Variants in PIGN observed in about 807,000 individuals in gnomAD.
PIGN encodes the protein phosphatidylinositol glycan anchor biosynthesis class N.
In PIGN, 117 loss-of-function variants were observed where a neutral mutation model predicts 125.4. The observed-to-expected ratio is 0.93, with a 90% CI of 0.80 to 1.09. PIGN has a LOEUF of 1.09. Among genes scored for constraint, PIGN ranks in the 50% least tolerant of loss-of-function variants. The probability of loss-of-function intolerance (pLI) is 0.00; values close to 1 mark genes in which losing one functional copy is unlikely to be tolerated. For missense variants in PIGN, 1,075 were observed against 1,094.9 expected, an observed-to-expected ratio of 0.98 and a Z score of 0.26; for synonymous variants, 392 against 377.8, an observed-to-expected ratio of 1.04 and a Z score of -0.44.
In PIGN at chr18:62,150,849, G is replaced by A. The variant is rs542422370; in HGVS notation, c.550-2511C>T. Among the ~76,000 whole-genome samples the A allele has an allele frequency of 5.3e-5, 8 of 152,036 alleles. No individual in the cohort carries two copies. In the South Asian group the frequency reaches 6.2e-4, roughly 12 times the overall value. Reference sequence around the variant, plus strand: ...CCTGAGTAGCTGGGACTACAGGCACGTGCCACCATGCCCGGCTAATTTTTG... The same window carrying A: ...CCTGAGTAGCTGGGACTACAGGCACATGCCACCATGCCCGGCTAATTTTTG... On this transcript the variant is annotated intron_variant, in intron 7 of 30. Transcript: ENST00000640252.
At chr18:62,166,155 G>C (rs1050408040) in intron 1 of PIGN, among the ~76,000 whole-genome samples, 2 of 152,132 alleles carry the variant, frequency 1.3e-5, no homozygotes, top group Non-Finnish European at 2.9e-5. Context: ...GGAGGAGCTG[G>C]GCTACTCTGA....
chr18:62,186,956 G>C lies in PIGN; in HGVS notation c.-348C>G, dbSNP rs923367094. The C allele has an allele frequency of 6.6e-6, 1 of 152,314 alleles. No individual in the cohort carries two copies. Among genetic ancestry groups the C allele is most frequent in the East Asian group, 1.9e-4 (1 of 5,184 alleles). The allele number at this position is 152,314 out of a possible 1,614,324, so 9.4% of individuals were successfully genotyped here. Reference sequence around the variant, plus strand: ...AGTGGTCCCCTCTACCCACTGAAGCGATAGCCGGGAGGGTATTCCTAAGCC... The same window carrying C: ...AGTGGTCCCCTCTACCCACTGAAGCCATAGCCGGGAGGGTATTCCTAAGCC... On this transcript the variant is annotated 5_prime_UTR_variant, in exon 1 of 31. In the 5' UTR this introduces an upstream ATG that the reference lacks. Coordinates refer to ENST00000640252, the MANE Select transcript of PIGN (RefSeq NM_176787.5).
At chr18:62,068,773 C>T (rs1385165882) in intron 30 of PIGN, among the ~76,000 whole-genome samples, 2 of 152,220 alleles carry the variant, frequency 1.3e-5, no homozygotes, top group African/African-American at 4.8e-5. Flanking sequence ...CTTGTTTCCA[C>T]ACTTCTTGTT....
chr18:62,147,127 A>C (rs1340038991), intron 8 of PIGN, 26 bp from the exon 9 acceptor site: 1 of 1,565,628 alleles, frequency 6.4e-7, no homozygotes. Flanking sequence ...CAGAGGAACA[A>C]ATTAAATTAA....
At chr18:62,026,786 G>C (rs1478290218) in intron 23 of PIGN, among the ~76,000 whole-genome samples, 1 of 152,208 alleles carries the variant, frequency 6.6e-6, no homozygotes, top group Non-Finnish European at 1.5e-5. Flanking sequence ...AAGTTCCCAG[G>C]GAAGTAGGAA....
At chr18:62,020,075 A>T (rs1004012311) in intron 23 of PIGN, among the ~76,000 whole-genome samples, 6 of 152,242 alleles carry the variant, frequency 3.9e-5, no homozygotes, top group African/African-American at 1.4e-4. Flanking sequence ...GTGGCTAAAT[A>T]CCAAGCTACT....
At chr18:62,066,956 A>G (rs2032555204) in intron 30 of PIGN, among the ~76,000 whole-genome samples, 1 of 152,178 alleles carries the variant, frequency 6.6e-6, no homozygotes, top group African/African-American at 2.4e-5. Flanking sequence ...CTTTCTAATT[A>G]AACTTGAAAG....
chr18:62,096,755 C>T (rs2034220599), intron 22 of PIGN, among the ~76,000 whole-genome samples: 1 of 113,594 alleles, frequency 8.8e-6, no homozygotes, highest in Non-Finnish European at 1.7e-5. Flanking sequence ...TTGTTCAATT[C>T]CCACCTATGA....
At chr18:62,136,805 A>G (rs2035950726) in intron 14 of PIGN, 3 of 354,278 alleles carry the variant, frequency 8.5e-6, no homozygotes, top group East Asian at 4.2e-5. Flanking sequence ...AACCTCAAAG[A>G]TGCAAGCCCA....
intron 1 of PIGN, among the ~76,000 whole-genome samples, chr18:62,166,924 G>A (rs1178560449): frequency 6.6e-6 from 1 of 152,150 alleles, no homozygotes; most frequent in African/African-American, 2.4e-5. Context: ...AAAGAAGGGA[G>A]AGCATTAGGG....
rs938328271 is a variant in PIGN, at chr18:62,157,477, C to T, written c.343+210G>A. Among the ~76,000 whole-genome samples the T allele has an allele frequency of 2.6e-5, 4 of 152,050 alleles. No homozygotes were observed. In the South Asian group the frequency reaches 8.3e-4, roughly 31 times the overall value. On this transcript the variant is annotated intron_variant, in intron 5 of 30. Coordinates refer to ENST00000640252, the MANE Select transcript of PIGN (RefSeq NM_176787.5). ...AGGAAAATTATGCTTCCATCCAACCCAAATTCTTTCAATAACACAGGATAA... is the reference window on the plus strand; with the variant it reads ...AGGAAAATTATGCTTCCATCCAACCTAAATTCTTTCAATAACACAGGATAA...
intron 28 of PIGN, among the ~76,000 whole-genome samples, chr18:62,081,670 C>A (rs2033455143): frequency 1.3e-5 from 2 of 152,088 alleles, no homozygotes; most frequent in Non-Finnish European, 2.9e-5. Context: ...ATTAAAATCC[C>A]TTCTAAAAAT....
intron 14 of PIGN, among the ~76,000 whole-genome samples, chr18:62,121,001 A>T (rs186142439): frequency 1.3e-5 from 2 of 152,366 alleles, no homozygotes; most frequent in African/African-American, 2.4e-5. Flanking sequence ...AAGTGAAAGG[A>T]TATGAGAAAA....
At chr18:62,130,400 T>C (rs761411696) in intron 14 of PIGN, among the ~76,000 whole-genome samples, 1 of 152,182 alleles carries the variant, frequency 6.6e-6, no homozygotes, top group Non-Finnish European at 1.5e-5. Flanking sequence ...ACTAATGAAG[T>C]ATTAACTTAA....
intron 5 of PIGN, among the ~76,000 whole-genome samples, 157 bp from the exon 6 acceptor site, chr18:62,157,384 A>C (rs1041697287): frequency 2.0e-5 from 3 of 152,194 alleles, no homozygotes; most frequent in Admixed American, 2.0e-4. Flanking sequence ...TTAAAAAAAA[A>C]CTAACAATAG....
downstream of PIGN, among the ~76,000 whole-genome samples, chr18:62,037,237 AG>A (rs967335569): frequency 6.6e-6 from 1 of 152,222 alleles, no homozygotes; most frequent in African/African-American, 2.4e-5. Context: ...GGTGATTAAA[AG>A]TTTTCGCTTT....
chr18:62,161,488 T>C (rs1199865094), intron 3 of PIGN, 103 bp from the exon 4 acceptor site: 3 of 581,780 alleles, frequency 5.2e-6, no homozygotes, highest in Admixed American at 6.0e-5. Flanking sequence ...TATTTTTAAT[T>C]ATTATATAAC....
rs2030385354 is a variant in PIGN, at chr18:62,041,658, T to TGTGTGA, written c.*4197_*4198insTCACAC. 1 of 138,798 alleles carries TGTGTGA rather than the reference T, an allele frequency of 7.2e-6. No homozygotes were observed. The highest frequency in any genetic ancestry group is 1.6e-5 in the Non-Finnish European group (1 of 63,820). The allele number at this position is 138,798 out of a possible 1,614,324, so 8.6% of individuals were successfully genotyped here. A position where few individuals can be genotyped will look rare whatever the true frequency, so the allele number is the denominator to read the frequency against. ...CCCGCCGGGTGTGTGTGTGTGTGTG[T>TGTGTGA]GTGTGTGTGTGTGTGTGTGTGTGTG... On this transcript the variant is annotated 3_prime_UTR_variant, in exon 31 of 31. Coordinates refer to ENST00000640252, the MANE Select transcript of PIGN (RefSeq NM_176787.5).
chr18:62,029,494 T>C (rs2030165430), intron 23 of PIGN, among the ~76,000 whole-genome samples: 1 of 152,198 alleles, frequency 6.6e-6, no homozygotes, highest in African/African-American at 2.4e-5. Context: ...TAAACTTCTT[T>C]TCTTTCTTGA....
Sources: gnomAD v4.1 joint callset for allele counts (sites outside exome capture counted in the v4.1 genomes callset) on GRCh38, gnomAD v4.1.1 for gene constraint, MANE v1.5 for transcripts, NCBI Gene and HGNC (gene_info 2026-07-23, HGNC 2026-07-21) for gene names.